The following CNTN5 variants were observed in gnomAD, a reference collection of about 807,000 sequenced individuals.
CNTN5 encodes the protein contactin-5.
In CNTN5, 77 loss-of-function variants were observed where a neutral mutation model predicts 129.1. The ratio of observed to expected loss-of-function variants is 0.60; its 90% CI spans 0.50 to 0.72. CNTN5 has a LOEUF of 0.72. CNTN5 is among the 30% of genes least tolerant of loss of function. CNTN5 has a pLI of 0.00. For missense variants in CNTN5, 1,478 were observed against 1,328.8 expected (o/e 1.11, Z -1.75); for synonymous variants, 509 against 465.6 (o/e 1.09, Z -1.20).
At chr11:99,313,029 A>G (rs572381521) in intron 1 of CNTN5, among the ~76,000 whole-genome samples, 4 of 152,042 alleles carry the variant, frequency 2.6e-5, no homozygotes, top group African/African-American at 9.7e-5. Context: ...CTGGAATTAC[A>G]CTACACTCAA....
intron 3 of CNTN5, among the ~76,000 whole-genome samples, chr11:99,776,185 A>AC (rs35307688): frequency 0.67 from 100,815 of 151,508 alleles, 33,642 homozygotes; most frequent in South Asian, 0.7. Flanking sequence ...TTATGGGGTT[A>AC]AATTCAGTAG....
intron 6 of CNTN5, among the ~76,000 whole-genome samples, chr11:99,911,861 G>A (rs1385721328): frequency 6.6e-6 from 1 of 151,766 alleles, no homozygotes; most frequent in Non-Finnish European, 1.5e-5. Context: ...CTTAGGATTG[G>A]GTATATCTCT....
intron 2 of CNTN5, among the ~76,000 whole-genome samples, chr11:99,411,274 T>C (rs1047642214): frequency 1.3e-5 from 2 of 152,088 alleles, no homozygotes; most frequent in South Asian, 4.1e-4. Context: ...ACACCTGCAA[T>C]CCCAGCACTT....
At chr11:99,984,455 A>T (rs979663718) in intron 8 of CNTN5, among the ~76,000 whole-genome samples, 4 of 152,108 alleles carry the variant, frequency 2.6e-5, no homozygotes, top group Admixed American at 2.6e-4. Context: ...TTGCGGGAGG[A>T]ATTAGAGAAG....
intron 2 of CNTN5, among the ~76,000 whole-genome samples, chr11:99,363,929 C>T (rs1939286400): frequency 6.6e-6 from 1 of 151,984 alleles, no homozygotes; most frequent in South Asian, 2.1e-4. Flanking sequence ...ATTCTCTTTC[C>T]CTCACATGTT....
At chr11:99,613,390 C>T (rs149158962) in intron 3 of CNTN5, among the ~76,000 whole-genome samples, 7 of 152,256 alleles carry the variant, frequency 4.6e-5, no homozygotes, top group African/African-American at 1.7e-4. Context: ...CGCCTTCCGC[C>T]ATGTTTGTGA....
chr11:99,879,485 T>C (rs963901444), intron 6 of CNTN5, among the ~76,000 whole-genome samples: 5 of 152,194 alleles, frequency 3.3e-5, no homozygotes, highest in African/African-American at 9.7e-5. Flanking sequence ...CAGGTAAACA[T>C]AGAAGCTCCC....
intron 17 of CNTN5, among the ~76,000 whole-genome samples, chr11:100,266,567 CAATT>C (rs1184018906): frequency 1.3e-5 from 2 of 150,130 alleles, no homozygotes; most frequent in Non-Finnish European, 3.0e-5. Context: ...ATAATACCTT[CAATT>C]AATACTTATA....
At chr11:99,804,010 G>A (rs1005397635) in intron 3 of CNTN5, among the ~76,000 whole-genome samples, 1 of 152,046 alleles carries the variant, frequency 6.6e-6, no homozygotes, top group African/African-American at 2.4e-5. Flanking sequence ...TCTTAGTGGG[G>A]TCTTTAAAGT....
chr11:99,647,939 T>C (rs564428699), intron 3 of CNTN5, among the ~76,000 whole-genome samples: 1 of 152,094 alleles, frequency 6.6e-6, no homozygotes, highest in Non-Finnish European at 1.5e-5. Flanking sequence ...TTAGGGTTTT[T>C]AGGTTTTTCT....
chr11:100,063,161 G>A (rs533828949), intron 10 of CNTN5, among the ~76,000 whole-genome samples: 5 of 151,974 alleles, frequency 3.3e-5, no homozygotes, highest in East Asian at 1.9e-4. Flanking sequence ...CTCCTACATA[G>A]CATGACTCTA....
intron 15 of CNTN5, among the ~76,000 whole-genome samples, chr11:100,224,478 A>C (rs866281080): frequency 6.6e-6 from 1 of 152,282 alleles, no homozygotes; most frequent in Middle Eastern, 3.4e-3. Flanking sequence ...CATTATATGC[A>C]ATATTAAATG....
At chr11:99,530,840 A>G (rs1389365115) in intron 2 of CNTN5, among the ~76,000 whole-genome samples, 8 of 152,210 alleles carry the variant, frequency 5.3e-5, no homozygotes, top group Non-Finnish European at 1.2e-4. Flanking sequence ...TGCCATGATT[A>G]TGAGTCTTCC....
intron 3 of CNTN5, among the ~76,000 whole-genome samples, chr11:99,754,276 CCTT>C (rs1165833234): frequency 1.3e-5 from 2 of 152,176 alleles, no homozygotes; most frequent in African/African-American, 2.4e-5. Context: ...AATACAAACA[CCTT>C]CTAAAAGGAA....
chr11:100,017,586 G>C (rs1208496085), intron 9 of CNTN5, among the ~76,000 whole-genome samples: 1 of 151,960 alleles, frequency 6.6e-6, no homozygotes, highest in Non-Finnish European at 1.5e-5. Flanking sequence ...GAACCTGAGT[G>C]ATGACATGTA....
rs572549851 is a variant in CNTN5, at chr11:100,249,689, C to T, written c.2006-6071C>T. ...GCTTATTAATCTATCTTCAATGATG[C>T]CTTATGTAAATTAGCTGAAAAAGCC... On this transcript the variant is annotated intron_variant, in intron 16 of 24. Transcript: ENST00000524871. Among the ~76,000 whole-genome samples, 10 of 152,166 alleles carry T rather than the reference C, an allele frequency of 6.6e-5. No homozygotes were observed. In the South Asian group the frequency reaches 1.5e-3, roughly 22 times the overall value.
At chr11:100,069,285 T>G (rs12808229) in intron 10 of CNTN5, among the ~76,000 whole-genome samples, 12,519 of 152,114 alleles carry the variant, frequency 0.082, 602 homozygotes, top group East Asian at 0.19. Flanking sequence ...TCCAAGTGGC[T>G]GGACCGATAG....
intron 4 of CNTN5, among the ~76,000 whole-genome samples, chr11:99,835,631 T>A (rs1453971634): frequency 2.0e-5 from 3 of 152,062 alleles, no homozygotes; most frequent in Non-Finnish European, 2.9e-5. Context: ...TCTAGAAGGG[T>A]TAACATAGGA....
At chr11:99,791,174 T>G (rs978398217) in intron 3 of CNTN5, among the ~76,000 whole-genome samples, 2 of 152,086 alleles carry the variant, frequency 1.3e-5, no homozygotes, top group Non-Finnish European at 1.5e-5. Context: ...ATTTTTGCTT[T>G]TGTTGCAATT....
Sources: gnomAD v4.1 joint callset for allele counts (sites outside exome capture counted in the v4.1 genomes callset) on GRCh38, gnomAD v4.1.1 for gene constraint, MANE v1.5 for transcripts, NCBI Gene and HGNC (gene_info 2026-07-23, HGNC 2026-07-21) for gene names.